BEND2: variants seen among roughly 807,000 people sequenced by gnomAD.
BEND2 encodes the protein BEN domain containing 2, also known as BEN domain-containing protein 2.
Under a neutral mutation model 43.8 loss-of-function variants are expected in BEND2, and 19 were observed. The ratio of observed to expected loss-of-function variants is 0.43; its 90% CI spans 0.30 to 0.64. The LOEUF (loss-of-function observed/expected upper bound fraction) is 0.64, where lower values mean the gene tolerates loss of function less well. Among genes scored for constraint, BEND2 ranks in the 30% least tolerant of loss-of-function variants. The pLI is 0.11. For missense variants in BEND2, 544 were observed against 574.0 expected (o/e 0.95, Z 0.53); for synonymous variants, 226 against 210.1 (o/e 1.08, Z -0.66).
intron 4 of BEND2, among the ~76,000 whole-genome samples, chrX:18,211,673 C>T (rs185989220): frequency 1.8e-5 from 2 of 110,574 alleles, no homozygotes; most frequent in East Asian, 5.7e-4. Context: ...ATTCCAACTA[C>T]TCAGGAGGCT....
chrX:18,190,946 T>C lies in BEND2; in HGVS notation c.1288+55A>G, dbSNP rs188097122. 1.5e-5 allele frequency: 15 copies of C among 1,017,111 alleles called. No homozygotes were observed. In the Admixed American group the frequency reaches 3.8e-4, roughly 26 times the overall value. The allele number at this position is 1,017,111 out of a possible 1,213,427, so 83.8% of individuals were successfully genotyped here. ...AAAGGTACACAAGATCTCTCTGTAT[T>C]CTTTCAATCTAGATTAAAGAGTGCT... On this transcript the variant is annotated intron_variant, in intron 8 of 13. Transcript: ENST00000380033.
chrX:18,220,671 C>T, intron 1 of BEND2, 55 bp downstream of exon 1: 1 of 1,205,139 alleles, frequency 8.3e-7, no homozygotes, highest in African/African-American at 1.7e-5. Flanking sequence ...CATCCAGACT[C>T]TTGACAGAAC....
chrX:18,197,673 A>G (rs1925000623), intron 6 of BEND2, among the ~76,000 whole-genome samples: 1 of 111,189 alleles, frequency 9.0e-6, no homozygotes, highest in Admixed American at 9.6e-5. Flanking sequence ...TTCTCGGCAT[A>G]CGTACAGAAA....
chrX:18,166,273 G>A (rs1400898492), intron 13 of BEND2, among the ~76,000 whole-genome samples: 1 of 111,985 alleles, frequency 8.9e-6, no homozygotes, highest in Admixed American at 9.5e-5. Context: ...TCAACAGGTG[G>A]CAACAAGGAG....
chrX:18,191,238 A>C, intron 7 of BEND2, 130 bp from the exon 8 acceptor site: 1 of 500,269 alleles, frequency 2.0e-6, no homozygotes, highest in African/African-American at 2.4e-5. Context: ...ATTCTCAGAC[A>C]AAGAAAAACT....
At chrX:18,199,169 T>C (rs1480665852) in intron 6 of BEND2, among the ~76,000 whole-genome samples, 1 of 108,640 alleles carries the variant, frequency 9.2e-6, no homozygotes, top group African/African-American at 3.3e-5. Context: ...AACCTGCACA[T>C]TGTGCACATG....
At chrX:18,204,733 G>A (rs776150778) in intron 4 of BEND2, among the ~76,000 whole-genome samples, 21 of 111,136 alleles carry the variant, frequency 1.9e-4, no homozygotes, top group Non-Finnish European at 3.6e-4. Flanking sequence ...GCTCTACCCC[G>A]TGCAGGCACT....
At chrX:18,209,492 T>C (rs772492276) in intron 4 of BEND2, among the ~76,000 whole-genome samples, 45 of 111,788 alleles carry the variant, frequency 4.0e-4, no homozygotes, top group Non-Finnish European at 7.5e-4. Flanking sequence ...AAGTGATCAA[T>C]GTTAACATCA....
intron 4 of BEND2, among the ~76,000 whole-genome samples, chrX:18,207,944 G>A (rs779938595): frequency 4.5e-5 from 5 of 110,287 alleles, no homozygotes; most frequent in Admixed American, 9.6e-5. Context: ...GCTTAAGCCC[G>A]GGAGGCAGAG....
At chrX:18,201,396 C>CAAAAAAAAAAAAAAAAAAAAAAAAA (rs1227049211) in intron 6 of BEND2, among the ~76,000 whole-genome samples, 1 of 20,626 alleles carries the variant, frequency 4.8e-5, no homozygotes, top group Non-Finnish European at 6.6e-5. Flanking sequence ...AACTCCATCT[C>CAAAAAAAAAAAAAAAAAAAAAAAAA]AAAAAAAAAA....
intron 4 of BEND2, among the ~76,000 whole-genome samples, chrX:18,211,107 C>T (rs930435039): frequency 1.8e-5 from 2 of 111,185 alleles, no homozygotes; most frequent in Admixed American, 1.9e-4. Context: ...TAGCATTATC[C>T]CCAAAAATGA....
chrX:18,219,537 C>T (rs1925786882), intron 1 of BEND2, among the ~76,000 whole-genome samples: 1 of 112,990 alleles, frequency 8.9e-6, no homozygotes, highest in African/African-American at 3.2e-5. Context: ...CGGTTACCAT[C>T]AAAGCCTCAG....
chrX:18,212,530 G>A (rs1337038291), intron 4 of BEND2, 35 bp downstream of exon 4: 1 of 971,481 alleles, frequency 1.0e-6, no homozygotes, highest in Admixed American at 2.4e-5. Flanking sequence ...AACAAAGAGA[G>A]ATTTTCACTT....
At chrX:18,198,656 G>C (rs1197987102) in intron 6 of BEND2, among the ~76,000 whole-genome samples, 1 of 111,101 alleles carries the variant, frequency 9.0e-6, no homozygotes, top group Non-Finnish European at 1.9e-5. Flanking sequence ...ATTCCTCAGG[G>C]ATTTAGAACT....
intron 8 of BEND2, among the ~76,000 whole-genome samples, chrX:18,189,490 G>A (rs1198215516): frequency 9.0e-6 from 1 of 111,300 alleles, no homozygotes; most frequent in Non-Finnish European, 1.9e-5. Context: ...CAGTCTGGGT[G>A]ACAGAGACTG....
At chrX:18,215,368 A>G (rs985923516) in intron 2 of BEND2, among the ~76,000 whole-genome samples, 3 of 112,114 alleles carry the variant, frequency 2.7e-5, no homozygotes, top group African/African-American at 9.7e-5. Context: ...CTAAAGAAGT[A>G]TCCTGCTAGC....
At chrX:18,174,008 A>G (rs754193610) in intron 12 of BEND2, 22 bp downstream of exon 12, 7 of 1,154,333 alleles carry the variant, frequency 6.1e-6, no homozygotes, top group Non-Finnish European at 5.9e-6. Context: ...TTATTTAAAT[A>G]TAAGTTTTTA....
chrX:18,184,210 A>G (rs1001239776), intron 8 of BEND2, among the ~76,000 whole-genome samples: 2 of 111,590 alleles, frequency 1.8e-5, no homozygotes, highest in Non-Finnish European at 3.8e-5. Flanking sequence ...GCCCAGGCGC[A>G]GTGGCTCATT....
Position 18,180,499 on chromosome X carries a change from T to G in BEND2, c.1429+11A>C. ...TAGTGCCACTTATAATGTGTGTTAT[T>G]TCAAACTCACCATACTTGGGAGGGA... is the stretch of plus-strand genomic sequence containing the variant. On this transcript the variant is annotated intron_variant, in intron 9 of 13. Transcript: ENST00000380033. 1 of 1,207,392 alleles carries G rather than the reference T, an allele frequency of 8.3e-7. No individual in the cohort carries two copies.
Sources: allele counts gnomAD v4.1 joint callset (sites outside exome capture counted in the v4.1 genomes callset), GRCh38; gene constraint gnomAD v4.1.1; transcripts MANE v1.5; gene names NCBI Gene and HGNC (gene_info 2026-07-23, HGNC 2026-07-21).